The following ERBB2 variants were observed in gnomAD, a reference collection of about 807,000 sequenced individuals.
ERBB2 encodes the protein receptor tyrosine-protein kinase erbB-2.
Under a neutral mutation model 149.0 loss-of-function variants are expected in ERBB2, and 61 were observed. The observed-to-expected ratio is 0.41, with a 90% CI of 0.33 to 0.51. The LOEUF (loss-of-function observed/expected upper bound fraction) is 0.51, where lower values mean the gene tolerates loss of function less well. Among genes scored for constraint, ERBB2 ranks in the 20% least tolerant of loss-of-function variants. ERBB2 has a pLI of 0.25. For missense variants in ERBB2, 1,205 were observed against 1,655.1 expected, an observed-to-expected ratio of 0.73 and a Z score of 4.72; for synonymous variants, 633 against 678.8, an observed-to-expected ratio of 0.93 and a Z score of 1.05.
chr17:39,688,805 G>A (rs1479278362), intron 2 of ERBB2: 2 of 152,370 alleles, frequency 1.3e-5, no homozygotes, highest in South Asian at 4.1e-4. Flanking sequence ...CTTATGGTAG[G>A]CGCTAACTGC....
chr17:39,704,849 C>T (rs991389387), intron 1 of ERBB2, among the ~76,000 whole-genome samples: 2 of 152,168 alleles, frequency 1.3e-5, no homozygotes, highest in African/African-American at 4.8e-5. Flanking sequence ...ACCCTCCAGC[C>T]CAACCCAGCC....
rs532853782 is a variant in ERBB2 at position 39,717,119 on chromosome 17, C to T, written c.1738-201C>T. 1.8e-5 allele frequency: 9 copies of T among 509,966 alleles called. No individual in the cohort carries two copies. The East Asian group carries it at 1.8e-4, about 10-fold the overall frequency. 31.6% of individuals were successfully genotyped at this position (509,966 alleles called of 1,614,324 possible). On this transcript the variant is annotated intron_variant, in intron 14 of 26. Coordinates refer to ENST00000269571, the MANE Select transcript of ERBB2 (RefSeq NM_004448.4). ...CCCATTTTCTGGCTCAAGTCCCTGCCCAGGATCAAGCTTGGAGGAGGGCCC... is the reference window on the plus strand; with the variant it reads ...CCCATTTTCTGGCTCAAGTCCCTGCTCAGGATCAAGCTTGGAGGAGGGCCC...
intron 3 of ERBB2, 99 bp downstream of exon 3, chr17:39,708,633 C>A: frequency 2.2e-6 from 2 of 915,942 alleles, no homozygotes; most frequent in Non-Finnish European, 1.7e-6. Flanking sequence ...GAAATGGTGT[C>A]CCTTCTGGGC....
upstream of ERBB2, among the ~76,000 whole-genome samples, chr17:39,696,310 C>T (rs1028932748): frequency 1.3e-5 from 2 of 152,084 alleles, no homozygotes; most frequent in Non-Finnish European, 2.9e-5. Flanking sequence ...GACCCCAGCT[C>T]CTCCCCCCAT....
At chr17:39,694,288 T>A (rs2904767), upstream of ERBB2, among the ~76,000 whole-genome samples, 2 of 60,732 alleles carry the variant, frequency 3.3e-5, no homozygotes, top group Non-Finnish European at 6.6e-5. Flanking sequence ...TATATATATA[T>A]ACACATATAT....
At chr17:39,722,965 T>G (rs2059528346) in intron 16 of ERBB2, among the ~76,000 whole-genome samples, 1 of 152,146 alleles carries the variant, frequency 6.6e-6, no homozygotes, top group African/African-American at 2.4e-5. Flanking sequence ...CCTTGTGATC[T>G]GCCCACCTCA....
Position 39,709,805 on chromosome 17 carries a change from G to A in ERBB2, c.575-8G>A, listed in dbSNP as rs1297650103. ...TCTCTCACTGCCTGTCTCTGGTTCT[G>A]TCCTCAGGCCACCCCTGTTCTCCGA... is the stretch of plus-strand genomic sequence containing the variant. On this transcript the variant is annotated splice_polypyrimidine_tract_variant and splice_region_variant and intron_variant, in intron 4 of 26. Transcript: ENST00000269571. 2.5e-6 allele frequency: 4 copies of A among 1,612,586 alleles called. No homozygotes were observed. Among genetic ancestry groups the A allele is most frequent in the Non-Finnish European group, 3.4e-6 (4 of 1,179,716 alleles).
intron 1 of ERBB2, among the ~76,000 whole-genome samples, chr17:39,704,757 T>G (rs761573433): frequency 1.3e-5 from 2 of 152,110 alleles, no homozygotes; most frequent in Non-Finnish European, 2.9e-5. Flanking sequence ...CTGCAAACAC[T>G]TTAAGATTCT....
chr17:39,713,095 C>G (rs978145536), intron 9 of ERBB2: 1 of 152,402 alleles, frequency 6.6e-6, no homozygotes, highest in African/African-American at 2.4e-5. Context: ...CAAAACTCAT[C>G]AAACTGTGTG....
intron 5 of ERBB2, 40 bp downstream of exon 5, chr17:39,709,921 C>T (rs1386006344): frequency 6.4e-7 from 1 of 1,564,452 alleles, no homozygotes; most frequent in African/African-American, 1.4e-5. Flanking sequence ...AAGGGGAGGG[C>T]TGGGGCCGGG....
At chr17:39,688,141 T>A (rs1467527553) in exon 1 of ERBB2, 2 of 931,952 alleles carry the variant, frequency 2.1e-6, no homozygotes, top group African/African-American at 1.7e-5. Context: ...TAAATTAAAG[T>A]TCCCGGATTT....
At position 39,725,996 on chromosome 17, in the gene ERBB2, C is replaced by G; in HGVS notation, c.2872+143C>G. On this transcript the variant is annotated intron_variant, in intron 23 of 26. Coordinates refer to ENST00000269571, the MANE Select transcript of ERBB2 (RefSeq NM_004448.4). The surrounding 1 kb of genome is among the most constrained non-coding windows in gnomAD (Gnocchi z 4.6). ...TAGGAGCCTCAAAACCTTCTTGTAT[C>G]CCTTTTACAGTCAAAGTCCAAAGCC... is the stretch of plus-strand genomic sequence containing the variant. 1 of 807,008 alleles carries G rather than the reference C, an allele frequency of 1.2e-6. No individual in the cohort carries two copies. Among genetic ancestry groups the G allele is most frequent in the East Asian group, 2.7e-5 (1 of 37,014 alleles). 50.0% of individuals were successfully genotyped at this position (807,008 alleles called of 1,614,324 possible).
In ERBB2 at chr17:39,710,436, G is replaced by A. The variant is rs149210045; in HGVS notation, c.856G>A (p.Glu286Lys). ...CACGTTTGAGTCCATGCCCAATCCC[G>A]AGGGCCGGTATACATTCGGCGCCAG... Reference protein sequence around the residue: ...TDTFESMPNPEGRYTFGASCV... With the variant: ...TDTFESMPNPKGRYTFGASCV... The change falls in exon 7 of 27, where the codon GAG becomes AAG. Residue 286 changes from glutamate to lysine, a missense_variant. Physicochemically the swap from Glu to Lys is moderately conservative, Grantham distance 56 (BLOSUM62 1). Transcript: ENST00000269571. The A allele has an allele frequency of 3.1e-6, 5 of 1,614,070 alleles. No homozygotes were observed. Among genetic ancestry groups the A allele is most frequent in the Admixed American group, 3.3e-5 (2 of 60,024 alleles).
intron 7 of ERBB2, among the ~76,000 whole-genome samples, chr17:39,710,961 G>A (rs1208901514): frequency 2.0e-5 from 3 of 152,156 alleles, no homozygotes; most frequent in African/African-American, 4.8e-5. Context: ...TCGCAGTGGC[G>A]CGATCTCGGC....
intron 6 of ERBB2, 31 bp downstream of exon 6, chr17:39,710,232 T>C (rs2145509259): frequency 6.2e-7 from 1 of 1,609,484 alleles, no homozygotes. Flanking sequence ...CCCAATGTGC[T>C]CTACCCCCCA....
upstream of ERBB2, among the ~76,000 whole-genome samples, chr17:39,698,209 A>T (rs2057913286): frequency 6.6e-6 from 1 of 151,988 alleles, no homozygotes; most frequent in Admixed American, 6.6e-5. Context: ...GAGACCAGAG[A>T]TGCTCAGTCA....
chr17:39,710,604 G>T, intron 7 of ERBB2, 123 bp downstream of exon 7: 4 of 1,168,996 alleles, frequency 3.4e-6, no homozygotes, highest in Non-Finnish European at 4.8e-6. Context: ...AGTTCCTGCC[G>T]AGCTGCCTTG....
rs2059777641 is a variant in ERBB2, at chr17:39,726,574, ACT to A, written c.2888_2889del (p.Ser963Ter). On this transcript the variant is annotated frameshift_variant, in exon 24 of 27. Transcript: ENST00000269571. LOFTEE classifies it high-confidence loss of function. This position sits in a 1 kb window ranked among gnomAD's most constrained non-coding sequence, Gnocchi z 5.1. ...CCTCCTGCCCCAGGTTGGATGATTG[ACT>A]CTGAATGTCGGCCAAGATTCCGGGA... is the stretch of plus-strand genomic sequence containing the variant. 1 of 1,613,616 alleles carries A rather than the reference ACT, an allele frequency of 6.2e-7. No individual in the cohort carries two copies. Among genetic ancestry groups the A allele is most frequent in the African/African-American group, 1.3e-5 (1 of 74,754 alleles).
chr17:39,691,075 C>T (rs989480807), upstream of ERBB2, among the ~76,000 whole-genome samples: 11 of 151,510 alleles, frequency 7.3e-5, no homozygotes, highest in East Asian at 3.9e-4. Context: ...AAAGGCTCAA[C>T]GGCAAGCTGA....
Sources: gnomAD v4.1 joint callset for allele counts (sites outside exome capture counted in the v4.1 genomes callset) on GRCh38, gnomAD v4.1.1 for gene constraint, Gnocchi (gnomAD v3.1) non-coding constraint, MANE v1.5 for transcripts, NCBI Gene and HGNC (gene_info 2026-07-23, HGNC 2026-07-21) for gene names.